LDB2: variants seen among roughly 807,000 people sequenced by gnomAD.
LDB2 encodes LIM domain-binding protein 2.
Under a neutral mutation model 44.3 loss-of-function variants are expected in LDB2, and 12 were observed. That is an observed-to-expected ratio of 0.27 (90% CI 0.17 to 0.44). The LOEUF (loss-of-function observed/expected upper bound fraction) is 0.44. Ranked by LOEUF, LDB2 falls within the 20% of genes least tolerant of loss-of-function variation. LDB2 has a pLI of 1.00. For missense variants in LDB2, 344 were observed against 473.5 expected (o/e 0.73, Z 2.54); for synonymous variants, 164 against 174.8 (o/e 0.94, Z 0.49).
intron 5 of LDB2, among the ~76,000 whole-genome samples, chr4:16,557,493 G>A (rs539486472): frequency 7.2e-5 from 11 of 152,334 alleles, no homozygotes; most frequent in East Asian, 3.9e-4. Context: ...GCAAGGCGGC[G>A]GCAGCGAGGC....
chr4:16,764,487 G>C (rs1369351904), intron 1 of LDB2, among the ~76,000 whole-genome samples: 2 of 151,180 alleles, frequency 1.3e-5, no homozygotes, highest in Admixed American at 6.6e-5. Flanking sequence ...CTCAGTTCTT[G>C]GTGACACAGC....
intron 5 of LDB2, 175 bp from the exon 6 acceptor site, chr4:16,512,279 T>C (rs1722032520): frequency 1.7e-6 from 1 of 582,518 alleles, no homozygotes; most frequent in Non-Finnish European, 2.9e-6. Context: ...TGATTATATC[T>C]ACTTAATTAT....
At chr4:16,664,431 C>A (rs564721199) in intron 2 of LDB2, among the ~76,000 whole-genome samples, 258 of 152,228 alleles carry the variant, frequency 1.7e-3, no homozygotes, top group African/African-American at 5.9e-3. Context: ...ATATGGAACA[C>A]AAAATTTGCT....
chr4:16,779,438 T>C (rs1362105762), intron 1 of LDB2, among the ~76,000 whole-genome samples: 1 of 152,202 alleles, frequency 6.6e-6, no homozygotes, highest in African/African-American at 2.4e-5. Flanking sequence ...GGTATTCACT[T>C]CAGAACGAGA....
intron 5 of LDB2, among the ~76,000 whole-genome samples, chr4:16,559,711 C>G (rs1244191947): frequency 6.6e-6 from 1 of 152,018 alleles, no homozygotes; most frequent in African/African-American, 2.4e-5. Flanking sequence ...CTGCACCAAG[C>G]GGACCTAATA....
intron 1 of LDB2, among the ~76,000 whole-genome samples, chr4:16,791,132 T>C (rs1336286418): frequency 6.6e-6 from 1 of 152,208 alleles, no homozygotes; most frequent in Non-Finnish European, 1.5e-5. Context: ...GCTAAGAGCA[T>C]TTTAGGATTT....
At chr4:16,606,112 T>A (rs1252417312) in intron 2 of LDB2, among the ~76,000 whole-genome samples, 1 of 152,248 alleles carries the variant, frequency 6.6e-6, no homozygotes, top group African/African-American at 2.4e-5. Flanking sequence ...TTTTAAATTA[T>A]TTTGTTTCAT....
intron 1 of LDB2, among the ~76,000 whole-genome samples, chr4:16,879,920 AATG>A (rs1414150421): frequency 2.0e-5 from 3 of 152,162 alleles, no homozygotes; most frequent in Non-Finnish European, 4.4e-5. Context: ...ACACAGAGAC[AATG>A]ATGTCTCCTC....
chr4:16,795,049 G>C (rs1446324368), intron 1 of LDB2, among the ~76,000 whole-genome samples: 3 of 152,222 alleles, frequency 2.0e-5, no homozygotes, highest in Non-Finnish European at 4.4e-5. Flanking sequence ...GAGGGCGCTA[G>C]GAGCGGGGAA....
At chr4:16,758,784 A>C (rs1561126818) in intron 2 of LDB2, among the ~76,000 whole-genome samples, 1 of 152,220 alleles carries the variant, frequency 6.6e-6, no homozygotes, top group Non-Finnish European at 1.5e-5. Context: ...AGTAGGAATT[A>C]TTATTTTTAA....
chr4:16,879,073 C>G (rs937654903), intron 1 of LDB2, among the ~76,000 whole-genome samples: 3 of 152,132 alleles, frequency 2.0e-5, no homozygotes, highest in Admixed American at 6.5e-5. Flanking sequence ...GCAAGAAATG[C>G]CAATGTCTGT....
intron 2 of LDB2, among the ~76,000 whole-genome samples, chr4:16,682,112 G>C (rs574462688): frequency 1.3e-5 from 2 of 152,258 alleles, no homozygotes; most frequent in South Asian, 4.1e-4. Flanking sequence ...TATAGACAGA[G>C]AGAAGATAAT....
At chr4:16,653,153 G>T (rs1451014307) in intron 2 of LDB2, among the ~76,000 whole-genome samples, 1 of 152,154 alleles carries the variant, frequency 6.6e-6, no homozygotes, top group Non-Finnish European at 1.5e-5. Context: ...AGCTGATAGA[G>T]CCACCGGGTC....
intron 1 of LDB2, among the ~76,000 whole-genome samples, chr4:16,837,757 C>G (rs917981953): frequency 6.6e-6 from 1 of 152,228 alleles, no homozygotes; most frequent in African/African-American, 2.4e-5. Flanking sequence ...GGGCTACTCA[C>G]CTCAGTGCAG....
At chr4:16,893,760 G>T (rs1343469324) in intron 1 of LDB2, among the ~76,000 whole-genome samples, 1 of 151,428 alleles carries the variant, frequency 6.6e-6, no homozygotes, top group East Asian at 1.9e-4. Context: ...ATACATAACG[G>T]AACTCACACT....
intron 2 of LDB2, among the ~76,000 whole-genome samples, chr4:16,729,529 A>G (rs896207992): frequency 9.2e-5 from 14 of 152,200 alleles, no homozygotes; most frequent in African/African-American, 2.4e-4. Context: ...TCTTTGAAAA[A>G]TAAAGCTGCA....
At position 16,590,935 on chromosome 4, in the gene LDB2, T is replaced by C. The variant is rs555083273; in HGVS notation, c.409-2103A>G. Among the ~76,000 whole-genome samples the C allele has an allele frequency of 1.5e-4, 23 of 152,260 alleles. 2 individuals are homozygous for C. In the South Asian group the frequency reaches 4.6e-3, roughly 30 times the overall value. ...AATTTACGAAGACATTAAAAAGAGT[T>C]GCATGGAGATTAAGCCACACAATTC... On this transcript the variant is annotated intron_variant, in intron 3 of 7. Transcript: ENST00000304523.
chr4:16,640,039 C>T (rs1398453425), intron 2 of LDB2, among the ~76,000 whole-genome samples: 1 of 152,198 alleles, frequency 6.6e-6, no homozygotes, highest in African/African-American at 2.4e-5. Flanking sequence ...TCTGTCCATC[C>T]TTCTGTTAAT....
chr4:16,607,260 C>A (rs1553922758), intron 2 of LDB2, among the ~76,000 whole-genome samples: 1 of 152,222 alleles, frequency 6.6e-6, no homozygotes, highest in Non-Finnish European at 1.5e-5. Flanking sequence ...CACTTGCATT[C>A]TTTGAAACCT....
Sources: gnomAD v4.1 joint callset for allele counts (sites outside exome capture counted in the v4.1 genomes callset) on GRCh38, gnomAD v4.1.1 for gene constraint, MANE v1.5 for transcripts, NCBI Gene and HGNC (gene_info 2026-07-23, HGNC 2026-07-21) for gene names.